TMEM114: variants seen among roughly 807,000 people sequenced by gnomAD.
TMEM114 encodes the protein transmembrane protein 114.
In TMEM114, 6 loss-of-function variants were observed where a neutral mutation model predicts 6.2. The ratio of observed to expected loss-of-function variants is 0.97; its 90% CI spans 0.53 to 1.91. The LOEUF is 1.91. Ranked by LOEUF, TMEM114 falls within the 40% of genes most tolerant of loss-of-function variation. TMEM114 has a pLI of 0.01. For missense variants in TMEM114, 218 were observed against 158.3 expected (o/e 1.38, Z -2.02); for synonymous variants, 104 against 73.0 (o/e 1.42, Z -2.16).
chr16:8,540,221 C>T (rs1327905870), intron 2 of TMEM114, among the ~76,000 whole-genome samples: 1 of 152,096 alleles, frequency 6.6e-6, no homozygotes, highest in African/African-American at 2.4e-5. Flanking sequence ...ATATATAGCA[C>T]TTGGCTAGAG....
At chr16:8,544,723 T>A (rs925452025) in intron 2 of TMEM114, among the ~76,000 whole-genome samples, 3 of 152,200 alleles carry the variant, frequency 2.0e-5, no homozygotes, top group African/African-American at 7.2e-5. Flanking sequence ...GCAAATTGAC[T>A]GAGAAAACAC....
At chr16:8,557,440 A>C (rs1447202638) in intron 2 of TMEM114, among the ~76,000 whole-genome samples, 1 of 152,158 alleles carries the variant, frequency 6.6e-6, no homozygotes, top group African/African-American at 2.4e-5. Context: ...TAGCTGCTCC[A>C]CTGCCTGCTG....
At chr16:8,573,470 G>T (rs909657745) in intron 2 of TMEM114, among the ~76,000 whole-genome samples, 2 of 152,166 alleles carry the variant, frequency 1.3e-5, no homozygotes, top group Admixed American at 1.3e-4. Context: ...ATGATGAGGG[G>T]TGAATGGAGG....
At chr16:8,588,517 G>C (rs1902384886) in intron 2 of TMEM114, among the ~76,000 whole-genome samples, 1 of 152,172 alleles carries the variant, frequency 6.6e-6, no homozygotes, top group African/African-American at 2.4e-5. Flanking sequence ...GAATTGAACT[G>C]TTAGGTTTAT....
intron 2 of TMEM114, among the ~76,000 whole-genome samples, chr16:8,558,757 TTC>T (rs1447172902): frequency 1.3e-5 from 2 of 151,840 alleles, no homozygotes; most frequent in African/African-American, 4.8e-5. Flanking sequence ...TTTTTTTTTT[TTC>T]GACATGGAGT....
intron 2 of TMEM114, among the ~76,000 whole-genome samples, chr16:8,582,970 GAAGGAAAAGGA>G (rs1344633875): frequency 2.6e-5 from 4 of 152,120 alleles, no homozygotes; most frequent in Non-Finnish European, 5.9e-5. Flanking sequence ...GCAGGGAAAG[GAAGGAAAAGGA>G]AAGGAAACTG....
At chr16:8,580,031 G>C (rs1450445351) in intron 2 of TMEM114, among the ~76,000 whole-genome samples, 1 of 152,088 alleles carries the variant, frequency 6.6e-6, no homozygotes, top group Non-Finnish European at 1.5e-5. Flanking sequence ...CCAACATCCA[G>C]AAGTAGGAGA....
In TMEM114 at chr16:8,589,771, A is replaced by T. The variant is rs1007091980; in HGVS notation, c.68T>A (p.Leu23Gln). ...GAAGTCCGTGCCGATGGCGGCCGCC[A>T]GGAGCACAAAGCTGAGCGCCCCGGT... The part of the protein sequence containing the change: ...ALTGALSFVL[L>Q]AAAIGTDFWY... Residue 23 changes from leucine (L) to glutamine (Q), a missense_variant, in exon 1 of 4, where the codon CTG becomes CAG. Coordinates refer to ENST00000620492, the MANE Select transcript of TMEM114 (RefSeq NM_001146336.2). The T allele has an allele frequency of 8.8e-5, 35 of 398,484 alleles. No homozygotes were observed. Among genetic ancestry groups the T allele is most frequent in the African/African-American group, 6.0e-4 (29 of 48,700 alleles). The allele number at this position is 398,484 out of a possible 1,614,324, so 24.7% of individuals were successfully genotyped here.
chr16:8,532,502 T>G, the TMEM114 span, among the ~76,000 whole-genome samples: 1 of 152,126 alleles, frequency 6.6e-6, no homozygotes, highest in Non-Finnish European at 1.5e-5. Flanking sequence ...TCCAAGGCCA[T>G]GAAAGGTGAA....
intron 2 of TMEM114, among the ~76,000 whole-genome samples, chr16:8,586,624 C>G (rs189270246): frequency 1.3e-5 from 2 of 151,970 alleles, no homozygotes; most frequent in Non-Finnish European, 2.9e-5. Context: ...ATTCTCATAA[C>G]TCAGCCTCCT....
chr16:8,542,177 C>A (rs1900536468), intron 2 of TMEM114, among the ~76,000 whole-genome samples: 1 of 151,660 alleles, frequency 6.6e-6, no homozygotes, highest in Non-Finnish European at 1.5e-5. Flanking sequence ...GGATGTGAAA[C>A]CAGGTACCCC....
downstream of TMEM114, among the ~76,000 whole-genome samples, chr16:8,534,848 A>G (rs1285918708): frequency 6.6e-6 from 1 of 152,242 alleles, no homozygotes; most frequent in Non-Finnish European, 1.5e-5. Flanking sequence ...TAAGATTTTC[A>G]TGAAGCGGAA....
At chr16:8,530,319 A>G in the TMEM114 span, among the ~76,000 whole-genome samples, 8 of 152,178 alleles carry the variant, frequency 5.3e-5, no homozygotes, top group African/African-American at 1.2e-4. Context: ...CTGGCTCCAC[A>G]TGGCTCTATC....
At chr16:8,542,240 G>A (rs1900537822) in intron 2 of TMEM114, among the ~76,000 whole-genome samples, 1 of 152,044 alleles carries the variant, frequency 6.6e-6, no homozygotes, top group African/African-American at 2.4e-5. Flanking sequence ...CCACCTGTAG[G>A]GCTCATTCCC....
chr16:8,559,166 C>T (rs1901118424), intron 2 of TMEM114, among the ~76,000 whole-genome samples: 1 of 152,152 alleles, frequency 6.6e-6, no homozygotes, highest in Non-Finnish European at 1.5e-5. Context: ...CCTCAGCCTC[C>T]TGGTTAGCTG....
intron 3 of TMEM114, 66 bp from the exon 4 acceptor site, chr16:8,570,071 C>G: frequency 6.7e-7 from 1 of 1,494,804 alleles, no homozygotes; most frequent in Non-Finnish European, 9.0e-7. Flanking sequence ...CCTCCTCCTC[C>G]TCGCCCTGCC....
At chr16:8,529,812 T>C in the TMEM114 span, among the ~76,000 whole-genome samples, 1 of 152,086 alleles carries the variant, frequency 6.6e-6, no homozygotes, top group African/African-American at 2.4e-5. Flanking sequence ...CTTGGGCATG[T>C]GGAGAGTTTT....
intron 2 of TMEM114, among the ~76,000 whole-genome samples, chr16:8,580,742 G>T (rs1020333517): frequency 6.6e-6 from 1 of 152,170 alleles, no homozygotes; most frequent in Non-Finnish European, 1.5e-5. Context: ...CCAGGCTGAA[G>T]TGCCGTGGGC....
At chr16:8,579,617 A>G (rs1245395449) in intron 2 of TMEM114, among the ~76,000 whole-genome samples, 2 of 152,174 alleles carry the variant, frequency 1.3e-5, no homozygotes, top group African/African-American at 4.8e-5. Flanking sequence ...AAACCACATC[A>G]TCGCTCAAAA....
Sources: allele counts gnomAD v4.1 joint callset (sites outside exome capture counted in the v4.1 genomes callset), GRCh38; gene constraint gnomAD v4.1.1; transcripts MANE v1.5; gene names NCBI Gene and HGNC (gene_info 2026-07-23, HGNC 2026-07-21).